The following PIBF1 variants were observed in gnomAD, a reference collection of about 807,000 sequenced individuals.
The protein encoded by PIBF1 is progesterone immunomodulatory binding factor 1, also known as progesterone-induced-blocking factor 1.
In PIBF1, 90 loss-of-function variants were observed where a neutral mutation model predicts 112.5. The observed-to-expected ratio is 0.80, with a 90% confidence interval of 0.67 to 0.95. The LOEUF (loss-of-function observed/expected upper bound fraction) is 0.95. Among genes scored for constraint, PIBF1 ranks in the 40% least tolerant of loss-of-function variants. The probability of loss-of-function intolerance (pLI) is 0.00; values close to 1 mark genes in which losing one functional copy is unlikely to be tolerated. For missense variants in PIBF1, 915 were observed against 852.3 expected (o/e 1.07, Z -0.92); for synonymous variants, 301 against 288.6 (o/e 1.04, Z -0.44).
At chr13:72,790,502 CACACACACATAGATAGATAGATAG>C (rs2034856454) in intron 2 of PIBF1, among the ~76,000 whole-genome samples, 1 of 140,986 alleles carries the variant, frequency 7.1e-6, no homozygotes, top group African/African-American at 2.7e-5. Context: ...AGATAGATCA[CACACACACATAGATAGATAGATAG>C]ATAGATAGAT....
At chr13:72,954,690 C>G (rs550725388) in intron 14 of PIBF1, among the ~76,000 whole-genome samples, 82 of 152,338 alleles carry the variant, frequency 5.4e-4, no homozygotes, top group African/African-American at 1.9e-3. Flanking sequence ...TGAGTCTCCC[C>G]ATCTTATGCT....
chr13:72,928,016 CATATATATACATAT>C (rs2041573579), intron 13 of PIBF1, among the ~76,000 whole-genome samples: 5 of 53,996 alleles, frequency 9.3e-5, no homozygotes, highest in Non-Finnish European at 1.9e-4. Context: ...CATATATATA[CATATATATACATAT>C]ATATATATAT....
intron 16 of PIBF1, among the ~76,000 whole-genome samples, chr13:72,976,695 G>A (rs944233310): frequency 6.6e-6 from 1 of 151,966 alleles, no homozygotes; most frequent in Non-Finnish European, 1.5e-5. Context: ...AAAGGCCTCC[G>A]CAAATTGCAT....
intron 11 of PIBF1, among the ~76,000 whole-genome samples, chr13:72,907,902 G>A (rs1193844967): frequency 6.6e-6 from 1 of 152,014 alleles, no homozygotes; most frequent in Admixed American, 6.6e-5. Context: ...TTGGAGTGTA[G>A]GATTTTTTGC....
chr13:73,004,518 A>AGAAAG (rs71102901), intron 17 of PIBF1, among the ~76,000 whole-genome samples: 1 of 151,752 alleles, frequency 6.6e-6, no homozygotes, highest in East Asian at 1.9e-4. Context: ...AGAAAAGAAA[A>AGAAAG]TGTGATATTC....
chr13:72,834,763 G>A (rs113236318), intron 8 of PIBF1, among the ~76,000 whole-genome samples: 218 of 151,976 alleles, frequency 1.4e-3, no homozygotes, highest in Non-Finnish European at 1.6e-3. Flanking sequence ...ATAATACTTC[G>A]ACTTGGCTAA....
At chr13:72,914,857 G>C (rs544462182) in intron 12 of PIBF1, among the ~76,000 whole-genome samples, 2 of 152,156 alleles carry the variant, frequency 1.3e-5, no homozygotes, top group African/African-American at 4.8e-5. Flanking sequence ...TGGGATTATA[G>C]GCATAAGCCA....
intron 11 of PIBF1, among the ~76,000 whole-genome samples, chr13:72,902,213 A>G (rs1024727760): frequency 2.0e-5 from 3 of 152,130 alleles, no homozygotes; most frequent in South Asian, 4.1e-4. Flanking sequence ...GAATGATACA[A>G]TGGACTTTGG....
chr13:72,811,531 G>T (rs2036008599), intron 5 of PIBF1, among the ~76,000 whole-genome samples: 1 of 151,136 alleles, frequency 6.6e-6, no homozygotes, highest in African/African-American at 2.4e-5. Context: ...AGGAGGTGGA[G>T]GTTGCAGTGA....
chr13:72,875,958 CT>C (rs2039378241), intron 10 of PIBF1, among the ~76,000 whole-genome samples: 1 of 151,850 alleles, frequency 6.6e-6, no homozygotes, highest in Non-Finnish European at 1.5e-5. Context: ...CCAGTTTATT[CT>C]TTTTTTCATG....
At chr13:72,898,285 AC>A (rs1376120546) in intron 11 of PIBF1, among the ~76,000 whole-genome samples, 1 of 152,100 alleles carries the variant, frequency 6.6e-6, no homozygotes, top group East Asian at 1.9e-4. Flanking sequence ...GACACAACCT[AC>A]CCAAACCTCT....
At chr13:72,938,712 T>C (rs1349193887) in intron 14 of PIBF1, among the ~76,000 whole-genome samples, 3 of 152,236 alleles carry the variant, frequency 2.0e-5, no homozygotes, top group Non-Finnish European at 2.9e-5. Context: ...GATGAAATGG[T>C]AATTCTATGA....
chr13:72,876,134 C>CTTTTTTTTTTTTTTTTTTTTTT (rs386363749), intron 10 of PIBF1, among the ~76,000 whole-genome samples: 2 of 91,214 alleles, frequency 2.2e-5, no homozygotes, highest in African/African-American at 4.4e-5. Flanking sequence ...TGTTCAGATT[C>CTTTTTTTTTTTTTTTTTTTTTT]TTTTTTTTTT....
At chr13:72,916,472 A>G (rs1385826487) in intron 12 of PIBF1, among the ~76,000 whole-genome samples, 1 of 151,542 alleles carries the variant, frequency 6.6e-6, no homozygotes, top group African/African-American at 2.4e-5. Context: ...TTTACCCAGA[A>G]GATGTTAACC....
At chr13:72,968,114 G>A (rs1317799086) in intron 15 of PIBF1, among the ~76,000 whole-genome samples, 1 of 151,576 alleles carries the variant, frequency 6.6e-6, no homozygotes, top group Non-Finnish European at 1.5e-5. Context: ...AACCTGGGAG[G>A]CAGAGCTTGC....
chr13:72,923,831 G>C (rs1260715223), intron 13 of PIBF1, among the ~76,000 whole-genome samples: 2 of 152,134 alleles, frequency 1.3e-5, no homozygotes, highest in Non-Finnish European at 2.9e-5. Context: ...TGGCATAGTG[G>C]TGGGCGCCTG....
chr13:72,964,849 G>A (rs890209535), intron 14 of PIBF1, among the ~76,000 whole-genome samples: 1 of 152,120 alleles, frequency 6.6e-6, no homozygotes, highest in Non-Finnish European at 1.5e-5. Context: ...ATCACCTGAG[G>A]TCAGGAGTTC....
At chr13:73,004,790 TAG>T (rs1344651780) in intron 17 of PIBF1, among the ~76,000 whole-genome samples, 1 of 152,152 alleles carries the variant, frequency 6.6e-6, no homozygotes, top group Non-Finnish European at 1.5e-5. Context: ...GTTTAACAAG[TAG>T]AGAGTTTCAG....
intron 10 of PIBF1, among the ~76,000 whole-genome samples, chr13:72,863,254 A>G (rs1013885050): frequency 1.3e-5 from 2 of 152,220 alleles, no homozygotes; most frequent in Non-Finnish European, 2.9e-5. Flanking sequence ...GAAGAAGGCT[A>G]CACCCATCTT....
Sources: gnomAD v4.1 joint callset for allele counts (sites outside exome capture counted in the v4.1 genomes callset) on GRCh38, gnomAD v4.1.1 for gene constraint, MANE v1.5 for transcripts, NCBI Gene and HGNC (gene_info 2026-07-23, HGNC 2026-07-21) for gene names.